The following ARHGAP18 variants were observed in gnomAD, a reference collection of about 807,000 sequenced individuals.
The protein encoded by ARHGAP18 is rho GTPase-activating protein 18.
ARHGAP18 carries 67 observed loss-of-function variants against 86.2 expected under a neutral mutation model. The ratio of observed to expected loss-of-function variants is 0.78; its 90% CI spans 0.64 to 0.95. The LOEUF (loss-of-function observed/expected upper bound fraction) is 0.95. Among genes scored for constraint, ARHGAP18 ranks in the 40% least tolerant of loss-of-function variants. ARHGAP18 has a pLI of 0.00. For missense variants in ARHGAP18, 691 were observed against 780.4 expected (o/e 0.89, Z 1.37); for synonymous variants, 283 against 280.4 (o/e 1.01, Z -0.09).
At chr6:129,661,021 TAA>T (rs34750408) in intron 1 of ARHGAP18, among the ~76,000 whole-genome samples, 101 of 121,604 alleles carry the variant, frequency 8.3e-4, no homozygotes, top group African/African-American at 1.6e-3. Flanking sequence ...ACAAAACCTT[TAA>T]AAAAAAAAAA....
chr6:129,584,058 A>G lies in ARHGAP18; in HGVS notation c.1768T>C (p.Ser590Pro). 6.2e-7 allele frequency: 1 copy of G among 1,613,854 alleles called. No homozygotes were observed. Among genetic ancestry groups the G allele is most frequent in the Non-Finnish European group, 8.5e-7 (1 of 1,179,848 alleles). Residue 590 changes from serine (S) to proline (P), a missense_variant, in exon 13 of 15, where the codon TCC (serine) becomes CCC (proline). Physicochemically the swap from Ser to Pro is moderately conservative, Grantham distance 74. Transcript: ENST00000368149. ...TCTTCAGTTAGCTGTATTGCCATGG[A>G]AACTTTCGAAAGATGGGGAGCTTGC... ...RVQAPHLSKV[S>P]MAIQLTEELK...
At chr6:129,590,415 C>T (rs1354147762) in intron 12 of ARHGAP18, among the ~76,000 whole-genome samples, 1 of 152,082 alleles carries the variant, frequency 6.6e-6, no homozygotes, top group Non-Finnish European at 1.5e-5. Flanking sequence ...AAGATACTAG[C>T]TTCTGGGGGC....
At chr6:129,629,552 C>A in intron 4 of ARHGAP18, 30 bp from the exon 5 acceptor site, 1 of 1,573,070 alleles carries the variant, frequency 6.4e-7, no homozygotes, top group South Asian at 1.2e-5. Flanking sequence ...GAACCCAATT[C>A]ATATGCTTTA....
At chr6:129,667,067 A>C (rs1774053636) in intron 1 of ARHGAP18, among the ~76,000 whole-genome samples, 1 of 152,226 alleles carries the variant, frequency 6.6e-6, no homozygotes, top group African/African-American at 2.4e-5. Flanking sequence ...ACAATATTGA[A>C]GCACTTACAA....
At chr6:129,633,709 C>T (rs150330056) in intron 4 of ARHGAP18, among the ~76,000 whole-genome samples, 2 of 152,228 alleles carry the variant, frequency 1.3e-5, no homozygotes, top group Non-Finnish European at 2.9e-5. Flanking sequence ...AGCCTCAGTT[C>T]ACTCATCTGT....
chr6:129,683,412 G>C (rs1774361457), intron 1 of ARHGAP18, among the ~76,000 whole-genome samples: 1 of 152,112 alleles, frequency 6.6e-6, no homozygotes, highest in Admixed American at 6.6e-5. Flanking sequence ...ACCAGCACAG[G>C]GTTGTTGGTT....
At chr6:129,616,851 G>A (rs945251726) in intron 6 of ARHGAP18, among the ~76,000 whole-genome samples, 1 of 152,122 alleles carries the variant, frequency 6.6e-6, no homozygotes, top group Non-Finnish European at 1.5e-5. Flanking sequence ...AGCTACTTGG[G>A]GGGCTGAGGT....
intron 10 of ARHGAP18, 98 bp from the exon 11 acceptor site, chr6:129,600,946 G>T: frequency 9.4e-7 from 1 of 1,061,482 alleles, no homozygotes; most frequent in Non-Finnish European, 1.3e-6. Context: ...GAAAAAACAA[G>T]TTGTGTATAA....
At chr6:129,613,172 G>T (rs1562690258) in intron 7 of ARHGAP18, among the ~76,000 whole-genome samples, 1 of 149,756 alleles carries the variant, frequency 6.7e-6, no homozygotes, top group Non-Finnish European at 1.5e-5. Context: ...GGCGGAGCTT[G>T]CAGTGAGCCA....
chr6:129,622,617 T>C (rs952479670), intron 5 of ARHGAP18, among the ~76,000 whole-genome samples: 2 of 152,210 alleles, frequency 1.3e-5, no homozygotes, highest in Non-Finnish European at 1.5e-5. Flanking sequence ...TTTTGTTTAG[T>C]TAATAGACTG....
At chr6:129,693,673 T>G (rs148777535) in intron 1 of ARHGAP18, among the ~76,000 whole-genome samples, 25 of 152,250 alleles carry the variant, frequency 1.6e-4, no homozygotes, top group African/African-American at 6.0e-4. Context: ...ATAACTGCAC[T>G]GACTGTACAC....
intron 12 of ARHGAP18, among the ~76,000 whole-genome samples, chr6:129,585,117 C>A (rs940189271): frequency 6.8e-6 from 1 of 147,070 alleles, no homozygotes; most frequent in Non-Finnish European, 1.5e-5. Flanking sequence ...ATGGCGAAAC[C>A]CTGTTTGTAC....
At chr6:129,624,422 C>T (rs533819350) in intron 5 of ARHGAP18, among the ~76,000 whole-genome samples, 7 of 151,776 alleles carry the variant, frequency 4.6e-5, no homozygotes, top group South Asian at 2.1e-4. Flanking sequence ...CCCTGCTACT[C>T]GGGAGGCTGA....
At chr6:129,659,435 G>C (rs909738305) in intron 1 of ARHGAP18, among the ~76,000 whole-genome samples, 1 of 151,722 alleles carries the variant, frequency 6.6e-6, no homozygotes, top group African/African-American at 2.4e-5. Flanking sequence ...GTGTACTTCA[G>C]ACAAGATAGG....
chr6:129,633,434 CAA>C lies in ARHGAP18; in HGVS notation c.616+606_616+607del, dbSNP rs34853507. ...TGGGAGACAGAGCAAGACTCCACCTCAAAAAAAAAAAAAAAAAAGTTACTTTC... is the reference window on the plus strand; with the variant it reads ...TGGGAGACAGAGCAAGACTCCACCTCAAAAAAAAAAAAAAAAGTTACTTTC... On this transcript the variant is annotated intron_variant, in intron 4 of 14. Transcript: ENST00000368149. Among the ~76,000 whole-genome samples, 654 of 104,424 alleles carry C rather than the reference CAA, an allele frequency of 6.3e-3. 8 individuals carry two copies. Among genetic ancestry groups the C allele is most frequent in the African/African-American group, 0.021 (598 of 28,234 alleles). The allele number at this position is 104,424 out of a possible 152,430, so 68.5% of individuals were successfully genotyped here.
chr6:129,702,763 G>C (rs1024641754), intron 1 of ARHGAP18, among the ~76,000 whole-genome samples: 1 of 152,240 alleles, frequency 6.6e-6, no homozygotes, highest in Non-Finnish European at 1.5e-5. Flanking sequence ...ACTTTGGGAG[G>C]CCTAGGCGGG....
chr6:129,629,324 T>C, intron 5 of ARHGAP18, 29 bp downstream of exon 5: 1 of 1,598,330 alleles, frequency 6.3e-7, no homozygotes, highest in Non-Finnish European at 8.6e-7. Flanking sequence ...TGTACATATA[T>C]GTATATTTAT....
chr6:129,662,760 G>A (rs1254396392), intron 1 of ARHGAP18, among the ~76,000 whole-genome samples: 1 of 152,174 alleles, frequency 6.6e-6, no homozygotes, highest in Non-Finnish European at 1.5e-5. Context: ...TAAATATAGA[G>A]AGGCACATTA....
intron 14 of ARHGAP18, among the ~76,000 whole-genome samples, chr6:129,579,852 T>A (rs1168823234): frequency 1.3e-5 from 2 of 152,208 alleles, no homozygotes; most frequent in African/African-American, 4.8e-5. Flanking sequence ...GAACTTGCCT[T>A]TGCTGAAATT....
Sources: gnomAD v4.1 joint callset for allele counts (sites outside exome capture counted in the v4.1 genomes callset) on GRCh38, gnomAD v4.1.1 for gene constraint, MANE v1.5 for transcripts, NCBI Gene and HGNC (gene_info 2026-07-23, HGNC 2026-07-21) for gene names.